The following TRAF4 variants were observed in gnomAD, a reference collection of about 807,000 sequenced individuals.
The protein encoded by TRAF4 is TNF receptor-associated factor 4.
Under a neutral mutation model 47.3 loss-of-function variants are expected in TRAF4, and 9 were observed. The observed-to-expected ratio is 0.19, with a 90% CI of 0.11 to 0.33. The LOEUF is 0.33. Among genes scored for constraint, TRAF4 ranks in the 10% least tolerant of loss-of-function variants. The probability of loss-of-function intolerance (pLI) is 1.00; values close to 1 mark genes in which losing one functional copy is unlikely to be tolerated. For synonymous variants in TRAF4, 236 were observed against 236.9 expected, an observed-to-expected ratio of 1.00 and a Z score of 0.04; for missense variants, 448 against 620.3, an observed-to-expected ratio of 0.72 and a Z score of 2.95.
intron 6 of TRAF4, 109 bp downstream of exon 6, chr17:28,748,775 ACCCTCAGTCCTT>A: frequency 6.6e-7 from 1 of 1,513,956 alleles, no homozygotes; most frequent in Non-Finnish European, 8.8e-7. Context: ...CTGCTCTGAA[ACCCTCAGTCCTT>A]CCCTCTGCTG....
rs1320296605 is a variant in TRAF4 at position 28,750,114 on chromosome 17, G to A, written c.*537G>A. 9.3e-6 allele frequency: 5 copies of A among 537,992 alleles called. No homozygotes were observed. In the African/African-American group the frequency reaches 9.6e-5, roughly 10 times the overall value. 33.3% of individuals were successfully genotyped at this position (537,992 alleles called of 1,614,324 possible). On this transcript the variant is annotated 3_prime_UTR_variant, in exon 7 of 7. Transcript: ENST00000262395. ...CAGCCTGACTTACCTGGGTTGGTTA[G>A]GTCCCTGGGAGGCTCAACCAAACTG... is the stretch of plus-strand genomic sequence containing the variant.
chr17:28,747,828 C>G lies in TRAF4; in HGVS notation c.196-15C>G, dbSNP rs753457546. 4.3e-6 allele frequency: 7 copies of G among 1,610,008 alleles called. No homozygotes were observed. In the Admixed American group the frequency reaches 5.0e-5, roughly 12 times the overall value. ...CAGCTCTGACCCTGGCCAGTTCCCC[C>G]ATCCCTACCCCCAGATCTACCCAGA... On this transcript the variant is annotated splice_polypyrimidine_tract_variant and intron_variant, in intron 2 of 6. Coordinates refer to ENST00000262395, the MANE Select transcript of TRAF4 (RefSeq NM_004295.4).
chr17:28,747,872 A>T lies in TRAF4; in HGVS notation c.225A>T (p.Gln75His). 6.2e-7 allele frequency: 1 copy of T among 1,613,860 alleles called. No homozygotes were observed. Among genetic ancestry groups the T allele is most frequent in the Non-Finnish European group, 8.5e-7 (1 of 1,179,978 alleles). ...ACCCAGACCCGGAGCTGGAAGTACA[A>T]GTATTGGGCCTGCCTATCCGCTGCA... ...KIYPDPELEVQVLGLPIRCIH... is the reference protein window; with the variant it reads ...KIYPDPELEVHVLGLPIRCIH... The change falls in exon 3 of 7, where the codon CAA (glutamine) becomes CAT (histidine). Residue 75 changes from glutamine (Q) to histidine (H), a missense_variant. By Grantham distance (24) the Gln-to-His change is conservative. Coordinates refer to ENST00000262395, the MANE Select transcript of TRAF4 (RefSeq NM_004295.4).
In TRAF4 at chr17:28,749,514, T is replaced by C. The variant is rs781202637; in HGVS notation, c.1350T>C (p.Tyr450=). 1.2e-5 allele frequency: 20 copies of C among 1,613,836 alleles called. No individual in the cohort carries two copies. Among genetic ancestry groups the C allele is most frequent in the Non-Finnish European group, 1.7e-5 (20 of 1,180,020 alleles). The change falls in exon 7 of 7, where the codon TAT becomes TAC. Residue 450 remains tyrosine, a synonymous_variant. Coordinates refer to ENST00000262395, the MANE Select transcript of TRAF4 (RefSeq NM_004295.4). ...ISHQDIRKRN[Y]VRDDAVFIRA... ...ACCAGGACATTCGAAAGCGAAACTA[T>C]GTGCGGGATGATGCAGTCTTCATCC...
chr17:28,748,365 C>A lies in TRAF4; in HGVS notation c.566C>A (p.Pro189His). The A allele has an allele frequency of 6.2e-7, 1 of 1,613,560 alleles. No individual in the cohort carries two copies. Among genetic ancestry groups the A allele is most frequent in the Non-Finnish European group, 8.5e-7 (1 of 1,179,896 alleles). Reference sequence around the variant, plus strand: ...GCCCAGCATGCCACCTCTGAGTGCCCCAAGCGCACTCAGCCCTGCACCTAC... The same window carrying A: ...GCCCAGCATGCCACCTCTGAGTGCCACAAGCGCACTCAGCCCTGCACCTAC... ...LLAQHATSEC[P>H]KRTQPCTYCT... The change falls in exon 5 of 7, where the codon CCC (proline) becomes CAC (histidine). Residue 189 changes from proline to histidine, a missense_variant. Coordinates refer to ENST00000262395, the MANE Select transcript of TRAF4 (RefSeq NM_004295.4).
rs774667447 is a variant in TRAF4 at position 28,748,663 on chromosome 17, C to T, written c.777C>T (p.His259=). The change falls in exon 6 of 7, where the codon CAC becomes CAT. Residue 259 remains histidine, a synonymous_variant. Transcript: ENST00000262395. The part of the protein sequence containing the change: ...LCPFKDSGCK[H]RCPKLAMARH... ...CATTCAAAGACTCCGGCTGCAAGCA[C>T]AGGGTGAGATGCCCCTTTTCCTGTC... is the stretch of plus-strand genomic sequence containing the variant. 5.6e-6 allele frequency: 9 copies of T among 1,609,946 alleles called. No individual in the cohort carries two copies. Among genetic ancestry groups the T allele is most frequent in the Non-Finnish European group, 7.6e-6 (9 of 1,179,856 alleles).
At position 28,744,171 on chromosome 17, in the gene TRAF4, T is replaced by A. The variant is rs1448834259; in HGVS notation, c.59T>A (p.Leu20Gln). ...EKPKRRLLCPLCGKPMREPVQ... is the reference protein window; with the variant it reads ...EKPKRRLLCPQCGKPMREPVQ... ...CCCAAGCGACGGCTGCTGTGCCCAC[T>A]GTGCGGGAAGCCCATGCGCGAGCCT... Residue 20 changes from leucine (L) to glutamine (Q), a missense_variant, in exon 1 of 7, where the codon CTG becomes CAG. Coordinates refer to ENST00000262395, the MANE Select transcript of TRAF4 (RefSeq NM_004295.4). 19 of 1,596,124 alleles carry A rather than the reference T, an allele frequency of 1.2e-5. No individual in the cohort carries two copies. Among genetic ancestry groups the A allele is most frequent in the Non-Finnish European group, 1.6e-5 (19 of 1,178,044 alleles).
chr17:28,747,310 C>T, intron 2 of TRAF4, 46 bp downstream of exon 2: 4 of 1,596,866 alleles, frequency 2.5e-6, no homozygotes, highest in South Asian at 1.1e-5. Context: ...GTCTGTTGCC[C>T]TTGGAGGCCG....
intron 1 of TRAF4, among the ~76,000 whole-genome samples, chr17:28,746,511 C>T (rs1381371039): frequency 6.6e-6 from 1 of 152,230 alleles, no homozygotes; most frequent in Admixed American, 6.5e-5. Flanking sequence ...AGCTTCTCTT[C>T]CTTGTGTGTG....
Position 28,749,868 on chromosome 17 carries a change from G to A in TRAF4, c.*291G>A, listed in dbSNP as rs531610491. On this transcript the variant is annotated 3_prime_UTR_variant, in exon 7 of 7. Coordinates refer to ENST00000262395, the MANE Select transcript of TRAF4 (RefSeq NM_004295.4). Reference sequence around the variant, plus strand: ...CCTTGGTGCCGGTCACACTCTACACGGACTGAGGTGCCTGCTCAGGTGCTA... The same window carrying A: ...CCTTGGTGCCGGTCACACTCTACACAGACTGAGGTGCCTGCTCAGGTGCTA... The A allele has an allele frequency of 1.5e-4, 104 of 703,542 alleles. No homozygotes were observed. Among genetic ancestry groups the A allele is most frequent in the South Asian group, 1.4e-3 (96 of 67,598 alleles). The allele number at this position is 703,542 out of a possible 1,614,324, so 43.6% of individuals were successfully genotyped here. A position where few individuals can be genotyped will look rare whatever the true frequency, so the allele number is the denominator to read the frequency against.
Position 28,749,117 on chromosome 17 carries a change from G to A in TRAF4, c.953G>A (p.Gly318Glu), listed in dbSNP as rs1193925383. Reference sequence around the variant, plus strand: ...CTCATCTGGAAGATTGGCAGCTATGGACGGCGGCTACAGGAGGCCAAGGCC... The same window carrying A: ...CTCATCTGGAAGATTGGCAGCTATGAACGGCGGCTACAGGAGGCCAAGGCC... ...GVLIWKIGSY[G>E]RRLQEAKAKP... Residue 318 changes from glycine (G) to glutamate (E), a missense_variant, in exon 7 of 7, where the codon GGA becomes GAA. Transcript: ENST00000262395. 22 of 1,614,022 alleles carry A rather than the reference G, an allele frequency of 1.4e-5. No homozygotes were observed. Among genetic ancestry groups the A allele is most frequent in the Non-Finnish European group, 1.9e-5 (22 of 1,180,060 alleles).
rs1190421495 is a variant in TRAF4 at position 28,744,031 on chromosome 17, G to A, written c.-82G>A. The A allele has an allele frequency of 2.9e-6, 3 of 1,042,300 alleles. No individual in the cohort carries two copies. The highest frequency in any genetic ancestry group is 3.4e-6 in the Non-Finnish European group (3 of 870,040). 64.6% of individuals were successfully genotyped at this position (1,042,300 alleles called of 1,614,324 possible). A position where few individuals can be genotyped will look rare whatever the true frequency, so the allele number is the denominator to read the frequency against. On this transcript the variant is annotated 5_prime_UTR_variant, in exon 1 of 7. Coordinates refer to ENST00000262395, the MANE Select transcript of TRAF4 (RefSeq NM_004295.4). ...CCGCCAGTCGGCGCCGCCCGGAGCC[G>A]GGAGCGCCGCTCCAGCGAGGCGCGG...
At position 28,749,262 on chromosome 17, in the gene TRAF4, C is replaced by T. The variant is rs2034565059; in HGVS notation, c.1098C>T (p.Tyr366=). 6.2e-7 allele frequency: 1 copy of T among 1,614,012 alleles called. No homozygotes were observed. The highest frequency in any genetic ancestry group is 1.1e-5 in the South Asian group (1 of 91,092). ...GSGEGTHLSL[Y]IRVLPGAFDN... ...GTGAGGGCACACACCTCTCACTGTACATTCGTGTGCTGCCTGGTGCCTTTG... is the reference window on the plus strand; with the variant it reads ...GTGAGGGCACACACCTCTCACTGTATATTCGTGTGCTGCCTGGTGCCTTTG... Residue 366 remains tyrosine (Y), a synonymous_variant, in exon 7 of 7, where the codon TAC becomes TAT. Coordinates refer to ENST00000262395, the MANE Select transcript of TRAF4 (RefSeq NM_004295.4).
Position 28,748,635 on chromosome 17 carries a change from G to C in TRAF4, c.749G>C (p.Cys250Ser). ...AGCTGTAACACCGCCCTGGTGCTCT[G>C]CCCATTCAAAGACTCCGGCTGCAAG... ...KDSCNTALVLCPFKDSGCKHR... is the reference protein window; with the variant it reads ...KDSCNTALVLSPFKDSGCKHR... The change falls in exon 6 of 7, where the codon TGC becomes TCC. Residue 250 changes from cysteine (C) to serine (S), a missense_variant. Cys to Ser is a moderately radical substitution (Grantham distance 112). Transcript: ENST00000262395. 1 of 1,612,456 alleles carries C rather than the reference G, an allele frequency of 6.2e-7. No individual in the cohort carries two copies. Among genetic ancestry groups the C allele is most frequent in the East Asian group, 2.2e-5 (1 of 44,888 alleles).
intron 2 of TRAF4, 159 bp from the exon 3 acceptor site, chr17:28,747,684 G>T (rs2151738433): frequency 1.5e-6 from 1 of 669,814 alleles, no homozygotes; most frequent in Non-Finnish European, 2.5e-6. Context: ...AGCAGATGCT[G>T]CCTGCTGTGC....
At chr17:28,747,114 G>A (rs1456329693) in intron 1 of TRAF4, 99 bp from the exon 2 acceptor site, 58 of 1,392,410 alleles carry the variant, frequency 4.2e-5, no homozygotes, top group Middle Eastern at 1.8e-4. Context: ...GTTGGGAACC[G>A]GTCTGGTGAG....
At position 28,747,244 on chromosome 17, in the gene TRAF4, C is replaced by T; in HGVS notation, c.175C>T (p.Leu59Phe). Residue 59 changes from leucine to phenylalanine, a missense_variant, in exon 2 of 7, where the codon CTT becomes TTT. Transcript: ENST00000262395. ...AGTCTTCAAGTGCCCTGAGGACCAGCTTCCTCTGGACTATGCCAAGGTGAG... is the reference window on the plus strand; with the variant it reads ...AGTCTTCAAGTGCCCTGAGGACCAGTTTCCTCTGGACTATGCCAAGGTGAG... ...EGVFKCPEDQLPLDYAKIYPD... is the reference protein window; with the variant it reads ...EGVFKCPEDQFPLDYAKIYPD... 1 of 1,613,868 alleles carries T rather than the reference C, an allele frequency of 6.2e-7. No individual in the cohort carries two copies. The highest frequency in any genetic ancestry group is 8.5e-7 in the Non-Finnish European group (1 of 1,179,876).
intron 1 of TRAF4, 52 bp downstream of exon 1, chr17:28,744,307 C>T (rs1410130139): frequency 6.3e-6 from 9 of 1,431,432 alleles, no homozygotes; most frequent in Non-Finnish European, 7.4e-6. Context: ...CGGGGGGCGC[C>T]GCCTGGGGAG....
chr17:28,747,116 T>A, intron 1 of TRAF4, 97 bp from the exon 2 acceptor site: 1 of 1,410,710 alleles, frequency 7.1e-7, no homozygotes, highest in Non-Finnish European at 9.7e-7. Context: ...TGGGAACCGG[T>A]CTGGTGAGGA....
Sources: allele counts gnomAD v4.1 joint callset (sites outside exome capture counted in the v4.1 genomes callset), GRCh38; gene constraint gnomAD v4.1.1; transcripts MANE v1.5; gene names NCBI Gene and HGNC (gene_info 2026-07-23, HGNC 2026-07-21).